The following ERC1 variants were observed in gnomAD, a reference collection of about 807,000 sequenced individuals.
The protein encoded by ERC1 is ELKS/RAB6-interacting/CAST family member 1, also known as RAB6 interacting protein 2.
A neutral mutation model predicts 132.0 loss-of-function variants in ERC1; 56 were observed. The ratio of observed to expected loss-of-function variants is 0.42; its 90% confidence interval spans 0.34 to 0.53. The LOEUF is 0.53. ERC1 is among the 20% of genes least tolerant of loss of function. The pLI is 0.03. For missense variants in ERC1, 1,202 were observed against 1,349.9 expected (o/e 0.89, Z 1.72); for synonymous variants, 478 against 476.1 (o/e 1.00, Z -0.05).
At chr12:1,063,859 A>G (rs946202276) in intron 2 of ERC1, among the ~76,000 whole-genome samples, 2 of 151,996 alleles carry the variant, frequency 1.3e-5, no homozygotes. Flanking sequence ...TCTCATTTGT[A>G]TATTTGCTTT....
intron 17 of ERC1, among the ~76,000 whole-genome samples, chr12:1,442,021 G>A (rs993837344): frequency 4.6e-5 from 7 of 152,102 alleles, no homozygotes; most frequent in South Asian, 2.1e-4. Context: ...TCCGCTTCCC[G>A]GGTTCAAGCG....
chr12:1,208,605 G>A (rs989394299), intron 12 of ERC1, among the ~76,000 whole-genome samples: 3 of 152,112 alleles, frequency 2.0e-5, no homozygotes, highest in Non-Finnish European at 4.4e-5. Context: ...GGTTTGCACA[G>A]TGTCCAGAGA....
intron 7 of ERC1, among the ~76,000 whole-genome samples, chr12:1,131,821 C>G (rs1948794920): frequency 6.6e-6 from 1 of 152,168 alleles, no homozygotes; most frequent in Non-Finnish European, 1.5e-5. Context: ...TAGCCATTTT[C>G]TGTTCACTTC....
intron 15 of ERC1, among the ~76,000 whole-genome samples, chr12:1,319,106 TCTGAA>T (rs1277655265): frequency 6.6e-6 from 1 of 152,192 alleles, no homozygotes; most frequent in East Asian, 1.9e-4. Flanking sequence ...GTTCCTGACT[TCTGAA>T]CTGATGCTTG....
At chr12:1,283,210 CTTA>C (rs981300370) in intron 14 of ERC1, among the ~76,000 whole-genome samples, 3 of 152,184 alleles carry the variant, frequency 2.0e-5, no homozygotes, top group African/African-American at 7.2e-5. Context: ...GTGCTTTCTG[CTTA>C]TTATGTTACT....
chr12:1,251,783 TG>T (rs2076483292), intron 13 of ERC1, among the ~76,000 whole-genome samples: 1 of 152,158 alleles, frequency 6.6e-6, no homozygotes, highest in South Asian at 2.1e-4. Context: ...TGAAATTTAT[TG>T]AAAGACTTTA....
intron 2 of ERC1, among the ~76,000 whole-genome samples, chr12:1,058,796 T>TG (rs1555220570): frequency 6.7e-6 from 1 of 150,208 alleles, no homozygotes; most frequent in African/African-American, 2.4e-5. Flanking sequence ...TATGTTTTTT[T>TG]TTTTTTTTTT....
At chr12:1,434,436 G>T (rs750022174) in intron 17 of ERC1, among the ~76,000 whole-genome samples, 2 of 152,174 alleles carry the variant, frequency 1.3e-5, no homozygotes, top group Admixed American at 6.5e-5. Context: ...GTAGTTACCT[G>T]TGCTTCAGTC....
intron 15 of ERC1, among the ~76,000 whole-genome samples, chr12:1,306,881 T>G (rs2080923136): frequency 6.6e-6 from 1 of 152,176 alleles, no homozygotes; most frequent in Non-Finnish European, 1.5e-5. Context: ...ATATAAACTT[T>G]TATGGATATA....
At chr12:1,343,563 T>A (rs181508426) in intron 15 of ERC1, among the ~76,000 whole-genome samples, 1 of 152,190 alleles carries the variant, frequency 6.6e-6, no homozygotes, top group Non-Finnish European at 1.5e-5. Context: ...AGTATTGATA[T>A]TGAGTTATTT....
chr12:1,271,182 G>T (rs1160423027), intron 14 of ERC1, among the ~76,000 whole-genome samples: 2 of 152,162 alleles, frequency 1.3e-5, no homozygotes. Flanking sequence ...AATCATAGTT[G>T]TATAAACTCT....
intron 15 of ERC1, among the ~76,000 whole-genome samples, chr12:1,315,179 T>C (rs2081596265): frequency 6.6e-6 from 1 of 151,158 alleles, no homozygotes; most frequent in Non-Finnish European, 1.5e-5. Context: ...ACCACCACAT[T>C]TGGCTAATTG....
intron 14 of ERC1, among the ~76,000 whole-genome samples, chr12:1,268,496 AC>A (rs2077611944): frequency 6.6e-6 from 1 of 152,172 alleles, no homozygotes; most frequent in Admixed American, 6.5e-5. Flanking sequence ...TTTGACAACT[AC>A]CATGGTAGAG....
At chr12:1,402,736 G>T (rs775360357) in intron 16 of ERC1, among the ~76,000 whole-genome samples, 1 of 152,022 alleles carries the variant, frequency 6.6e-6, no homozygotes, top group African/African-American at 2.4e-5. Flanking sequence ...TCTTAGAGAG[G>T]ATTTAATGAC....
chr12:1,404,856 G>A (rs1023167924), intron 16 of ERC1, among the ~76,000 whole-genome samples: 3 of 152,082 alleles, frequency 2.0e-5, no homozygotes, highest in Admixed American at 1.3e-4. Flanking sequence ...AATGTGGGGA[G>A]AGCCGGGCGC....
intron 7 of ERC1, among the ~76,000 whole-genome samples, chr12:1,116,545 A>G (rs1946464970): frequency 6.6e-6 from 1 of 151,962 alleles, no homozygotes; most frequent in South Asian, 2.1e-4. Flanking sequence ...ATCCTGTTTG[A>G]AAATAAAGTT....
intron 1 of ERC1, among the ~76,000 whole-genome samples, chr12:1,018,195 G>A (rs1042857666): frequency 2.6e-4 from 39 of 152,190 alleles, no homozygotes; most frequent in Middle Eastern, 3.4e-3. Context: ...GTCAGTTCAT[G>A]GAATTTGTTT....
chr12:1,047,996 A>T (rs1387431981), intron 2 of ERC1, among the ~76,000 whole-genome samples: 1 of 152,164 alleles, frequency 6.6e-6, no homozygotes, highest in African/African-American at 2.4e-5. Flanking sequence ...TTCATCTTTA[A>T]ATTGTGGAAG....
At chr12:1,290,417 G>C (rs545330377) in intron 15 of ERC1, among the ~76,000 whole-genome samples, 1 of 152,128 alleles carries the variant, frequency 6.6e-6, no homozygotes, top group Non-Finnish European at 1.5e-5. Flanking sequence ...TAGAGAGAAT[G>C]AACCCCCATA....
Sources: allele counts gnomAD v4.1 joint callset (sites outside exome capture counted in the v4.1 genomes callset), GRCh38; gene constraint gnomAD v4.1.1; transcripts MANE v1.5; gene names NCBI Gene and HGNC (gene_info 2026-07-23, HGNC 2026-07-21).